Variants in EYS observed in about 807,000 individuals in gnomAD.
EYS encodes protein eyes shut homolog.
EYS carries 250 observed loss-of-function variants against 282.1 expected under a neutral mutation model. That is an observed-to-expected ratio of 0.89 (90% CI 0.80 to 0.98). The LOEUF (loss-of-function observed/expected upper bound fraction) is 0.98, where lower values mean the gene tolerates loss of function less well. EYS is among the 50% of genes least tolerant of loss of function. The probability of loss-of-function intolerance (pLI) is 0.00; values close to 1 mark genes in which losing one functional copy is unlikely to be tolerated. For synonymous variants in EYS, 1,355 were observed against 1,282.9 expected, an observed-to-expected ratio of 1.06 and a Z score of -1.20; for missense variants, 4,016 against 3,709.0, an observed-to-expected ratio of 1.08 and a Z score of -2.15.
Position 63,762,606 on chromosome 6 carries a change from T to C in EYS, c.7926A>G (p.Gly2642=). Residue 2642 remains glycine (G), a synonymous_variant, in exon 41 of 43, where the codon GGA becomes GGG. Coordinates refer to ENST00000503581, the MANE Select transcript of EYS (RefSeq NM_001142800.2). ...VYCNCTTGWK[G]SFCTETVSTC... ...TAGAAACTGTCTCTGTGCAGAATGA[T>C]CCTTTCCACCCAGTGGTACAATTGC... is the stretch of plus-strand genomic sequence containing the variant. 6.5e-7 allele frequency: 1 copy of C among 1,550,132 alleles called. No individual in the cohort carries two copies. The highest frequency in any genetic ancestry group is 1.2e-5 in the South Asian group (1 of 83,970).
At chr6:65,654,578 C>T (rs1054002354) in intron 1 of EYS, among the ~76,000 whole-genome samples, 1 of 151,688 alleles carries the variant, frequency 6.6e-6, no homozygotes, top group Non-Finnish European at 1.5e-5. Context: ...GAAATTACAT[C>T]TAAAGTGTTA....
chr6:65,394,632 ATC>A (rs1373809140), intron 7 of EYS, among the ~76,000 whole-genome samples: 1 of 152,088 alleles, frequency 6.6e-6, no homozygotes, highest in Non-Finnish European at 1.5e-5. Context: ...ACCCACTATG[ATC>A]TACCTTTGAG....
At chr6:63,998,639 T>A (rs1767941413) in intron 34 of EYS, among the ~76,000 whole-genome samples, 1 of 152,170 alleles carries the variant, frequency 6.6e-6, no homozygotes, top group Admixed American at 6.5e-5. Flanking sequence ...TTAGACTCAT[T>A]CAATGTTTCT....
chr6:64,583,787 T>C (rs1766147307), intron 26 of EYS, among the ~76,000 whole-genome samples: 1 of 151,930 alleles, frequency 6.6e-6, no homozygotes, highest in Non-Finnish European at 1.5e-5. Flanking sequence ...AAGAATGAGA[T>C]TCTGCCTCAA....
At chr6:65,264,125 C>A (rs114294264) in intron 12 of EYS, among the ~76,000 whole-genome samples, 6 of 152,046 alleles carry the variant, frequency 3.9e-5, no homozygotes, top group African/African-American at 1.4e-4. Flanking sequence ...AATTAATCAA[C>A]CTGCATTTCT....
intron 23 of EYS, among the ~76,000 whole-genome samples, chr6:64,621,040 C>A (rs1468352921): frequency 7.2e-5 from 11 of 151,984 alleles, no homozygotes; most frequent in Admixed American, 2.6e-4. Context: ...TAAAGACAAT[C>A]TTGCTCTGTC....
At chr6:64,191,268 A>G (rs1765094626) in intron 31 of EYS, among the ~76,000 whole-genome samples, 1 of 151,920 alleles carries the variant, frequency 6.6e-6, no homozygotes, top group Non-Finnish European at 1.5e-5. Flanking sequence ...CCTTCACACC[A>G]TAGGGAAATT....
At chr6:64,454,526 C>G (rs1029927642) in intron 26 of EYS, among the ~76,000 whole-genome samples, 1 of 152,058 alleles carries the variant, frequency 6.6e-6, no homozygotes, top group East Asian at 1.9e-4. Context: ...TGTGCAGGTC[C>G]ACTTAAATGC....
intron 22 of EYS, among the ~76,000 whole-genome samples, chr6:64,683,426 A>G (rs2149906662): frequency 6.6e-6 from 1 of 152,332 alleles, no homozygotes; most frequent in South Asian, 2.1e-4. Flanking sequence ...CACCAAATGA[A>G]CATTTTAAAA....
intron 31 of EYS, among the ~76,000 whole-genome samples, chr6:64,104,976 A>G (rs975669443): frequency 1.3e-5 from 2 of 151,990 alleles, no homozygotes; most frequent in Admixed American, 6.6e-5. Context: ...AGTTCAACCA[A>G]TACAGATAAT....
At chr6:64,581,684 G>C (rs1766073212) in intron 26 of EYS, among the ~76,000 whole-genome samples, 1 of 152,104 alleles carries the variant, frequency 6.6e-6, no homozygotes, top group Non-Finnish European at 1.5e-5. Flanking sequence ...TGAAGCCAGT[G>C]GCTTGTATAA....
chr6:65,578,907 G>T (rs574987816), intron 2 of EYS, among the ~76,000 whole-genome samples: 1 of 152,064 alleles, frequency 6.6e-6, no homozygotes, highest in African/African-American at 2.4e-5. Flanking sequence ...AGATTACAAC[G>T]TACCCCATTC....
At chr6:65,595,795 T>C (rs993484876) in intron 2 of EYS, among the ~76,000 whole-genome samples, 2 of 152,158 alleles carry the variant, frequency 1.3e-5, no homozygotes, top group South Asian at 4.1e-4. Context: ...TGACCGCCAA[T>C]GATCTCTGAC....
intron 12 of EYS, among the ~76,000 whole-genome samples, chr6:65,066,084 A>C (rs771049357): frequency 6.6e-6 from 1 of 152,310 alleles, no homozygotes; most frequent in African/African-American, 2.4e-5. Context: ...GTTGATGGGC[A>C]TGGCATTTTC....
intron 12 of EYS, among the ~76,000 whole-genome samples, chr6:65,135,548 T>C (rs554633230): frequency 1.3e-5 from 2 of 152,040 alleles, no homozygotes; most frequent in Admixed American, 6.6e-5. Flanking sequence ...AAAATAGATA[T>C]AAATATAGAT....
intron 15 of EYS, among the ~76,000 whole-genome samples, chr6:64,929,121 G>A (rs1047843181): frequency 4.6e-5 from 7 of 151,986 alleles, no homozygotes; most frequent in Admixed American, 2.0e-4. Flanking sequence ...AATCCATTAG[G>A]GTGGAAACTA....
chr6:63,971,389 C>T (rs765747533), intron 35 of EYS, among the ~76,000 whole-genome samples: 1 of 152,130 alleles, frequency 6.6e-6, no homozygotes, highest in Non-Finnish European at 1.5e-5. Context: ...AAATAATCCT[C>T]AATATATTTA....
rs1455868871 is a variant in EYS at position 64,230,597 on chromosome 6, T to C, written c.6419A>G (p.Glu2140Gly). ...GGGTAATGAAGATTGATTACCTTTTTCACAGAAGCGGCCAGTGAAATGTAG... is the reference window on the plus strand; with the variant it reads ...GGGTAATGAAGATTGATTACCTTTTCCACAGAAGCGGCCAGTGAAATGTAG... ...CPLHFTGRFC[E>G]KDAGLFFPSF... The change falls in exon 31 of 43, where the codon GAA (glutamate) becomes GGA (glycine). Residue 2140 changes from glutamate (E) to glycine (G), a missense_variant. Coordinates refer to ENST00000503581, the MANE Select transcript of EYS (RefSeq NM_001142800.2). 25 of 1,544,292 alleles carry C rather than the reference T, an allele frequency of 1.6e-5. No individual in the cohort carries two copies. Among genetic ancestry groups the C allele is most frequent in the Non-Finnish European group, 2.0e-5 (23 of 1,140,686 alleles).
chr6:65,593,219 A>G (rs1016005661), intron 2 of EYS, among the ~76,000 whole-genome samples: 6 of 152,074 alleles, frequency 3.9e-5, no homozygotes, highest in African/African-American at 1.4e-4. Context: ...CTTTTAAAAC[A>G]AACTCCTATT....
Sources: gnomAD v4.1 joint callset for allele counts (sites outside exome capture counted in the v4.1 genomes callset) on GRCh38, gnomAD v4.1.1 for gene constraint, MANE v1.5 for transcripts, NCBI Gene and HGNC (gene_info 2026-07-23, HGNC 2026-07-21) for gene names.